The following CSMD1 variants were observed in gnomAD, a reference collection of about 807,000 sequenced individuals.
CSMD1 encodes CUB and sushi domain-containing protein 1.
A neutral mutation model predicts 417.5 loss-of-function variants in CSMD1; 213 were observed. The ratio of observed to expected loss-of-function variants is 0.51; its 90% CI spans 0.46 to 0.57. CSMD1 has a LOEUF of 0.57. Ranked by LOEUF, CSMD1 falls within the 20% of genes least tolerant of loss-of-function variation. The pLI, the probability that CSMD1 is intolerant of heterozygous loss-of-function variation, is 0.00. For missense variants in CSMD1, 6,923 were observed against 4,529.7 expected (o/e 1.53, Z -15.17); for synonymous variants, 2,862 against 1,736.8 (o/e 1.65, Z -16.11).
At chr8:4,847,062 A>G (rs1801186007) in intron 1 of CSMD1, among the ~76,000 whole-genome samples, 1 of 152,168 alleles carries the variant, frequency 6.6e-6, no homozygotes, top group Non-Finnish European at 1.5e-5. Context: ...TAATTGGCGA[A>G]CTTTGTCAAA....
chr8:4,993,756 G>A (rs1294775879), intron 1 of CSMD1, among the ~76,000 whole-genome samples: 4 of 152,212 alleles, frequency 2.6e-5, no homozygotes, highest in Non-Finnish European at 5.9e-5. Context: ...TCTAGAGGCA[G>A]CTACTCCTCG....
At chr8:4,788,846 GA>G (rs1165724348) in intron 1 of CSMD1, among the ~76,000 whole-genome samples, 1 of 152,156 alleles carries the variant, frequency 6.6e-6, no homozygotes, top group Non-Finnish European at 1.5e-5. Context: ...TTATGACACA[GA>G]AACTCTCCCT....
Position 3,912,260 on chromosome 8 carries a change from A to G in CSMD1, c.818+85643T>C, listed in dbSNP as rs188625428. Among the ~76,000 whole-genome samples the G allele has an allele frequency of 1.2e-3, 178 of 152,308 alleles. No individual in the cohort carries two copies. The Middle Eastern group carries it at 0.017, about 15-fold the overall frequency. On this transcript the variant is annotated intron_variant, in intron 5 of 69. Transcript: ENST00000635120. The stretch of plus-strand genomic sequence containing the variant: ...CATGAACTTACTGGGAAATATCACT[A>G]ATTATTCAAAAAACAATATACGGAG...
intron 7 of CSMD1, among the ~76,000 whole-genome samples, chr8:3,651,863 G>T (rs560906324): frequency 1.5e-5 from 2 of 132,916 alleles, no homozygotes; most frequent in Non-Finnish European, 3.2e-5. Context: ...TTACCACCAT[G>T]AGCACACTTA....
chr8:3,249,485 A>G (rs1305162368), intron 26 of CSMD1, among the ~76,000 whole-genome samples: 1 of 152,162 alleles, frequency 6.6e-6, no homozygotes, highest in East Asian at 1.9e-4. Flanking sequence ...TGGCCTCCCA[A>G]AATGCTGGGA....
At chr8:4,662,714 A>G (rs1416007787) in intron 1 of CSMD1, among the ~76,000 whole-genome samples, 2 of 152,150 alleles carry the variant, frequency 1.3e-5, no homozygotes, top group African/African-American at 4.8e-5. Context: ...TTCAGATGTT[A>G]CGCAATTATT....
chr8:3,538,898 C>T (rs1798318844), intron 10 of CSMD1, among the ~76,000 whole-genome samples: 1 of 152,192 alleles, frequency 6.6e-6, no homozygotes, highest in South Asian at 2.1e-4. Context: ...CTTGCTTCAC[C>T]TACACACCAT....
At chr8:4,406,620 G>A (rs2128931863) in intron 3 of CSMD1, among the ~76,000 whole-genome samples, 1 of 152,246 alleles carries the variant, frequency 6.6e-6, no homozygotes, top group South Asian at 2.1e-4. Context: ...AGTGACCGGA[G>A]GCTGGGACTG....
intron 23 of CSMD1, among the ~76,000 whole-genome samples, chr8:3,322,416 G>C (rs1439672328): frequency 6.6e-6 from 1 of 152,108 alleles, no homozygotes; most frequent in East Asian, 1.9e-4. Context: ...CTTGTACTAA[G>C]AGCACAGATA....
intron 1 of CSMD1, among the ~76,000 whole-genome samples, chr8:4,989,184 G>C (rs1429084882): frequency 1.3e-5 from 2 of 152,110 alleles, no homozygotes; most frequent in Non-Finnish European, 2.9e-5. Flanking sequence ...AAAAGGTTGA[G>C]TTCCTTGAGG....
chr8:3,377,537 C>A (rs1428753796), intron 18 of CSMD1, among the ~76,000 whole-genome samples: 1 of 152,190 alleles, frequency 6.6e-6, no homozygotes, highest in Non-Finnish European at 1.5e-5. Context: ...AATTCCTGTA[C>A]TGCAAAACCT....
At chr8:3,916,530 G>C (rs751255352) in intron 5 of CSMD1, among the ~76,000 whole-genome samples, 3 of 152,116 alleles carry the variant, frequency 2.0e-5, no homozygotes, top group Non-Finnish European at 4.4e-5. Context: ...GATACGCCTA[G>C]GTTGAAACAT....
intron 6 of CSMD1, among the ~76,000 whole-genome samples, chr8:3,750,073 CTGTT>C: frequency 6.6e-6 from 1 of 152,040 alleles, no homozygotes; most frequent in East Asian, 1.9e-4. Context: ...GAATTTCAAG[CTGTT>C]TGTTTTAGTT....
At chr8:4,825,943 C>G (rs1440699913) in intron 1 of CSMD1, among the ~76,000 whole-genome samples, 1 of 136,692 alleles carries the variant, frequency 7.3e-6, no homozygotes. Flanking sequence ...GCAGCTATCA[C>G]CTTACATCTT....
intron 1 of CSMD1, among the ~76,000 whole-genome samples, chr8:4,846,697 T>G (rs572638199): frequency 6.6e-6 from 1 of 152,370 alleles, no homozygotes; most frequent in East Asian, 1.9e-4. Flanking sequence ...TTTCTTGAAC[T>G]TGGTCCCATT....
At chr8:4,936,855 A>G (rs1330550887) in intron 1 of CSMD1, among the ~76,000 whole-genome samples, 2 of 152,092 alleles carry the variant, frequency 1.3e-5, no homozygotes, top group East Asian at 1.9e-4. Context: ...ATAAAACACT[A>G]TTATTTTGAC....
chr8:4,941,135 G>T (rs533025679), intron 1 of CSMD1, among the ~76,000 whole-genome samples: 3 of 151,850 alleles, frequency 2.0e-5, no homozygotes, highest in Non-Finnish European at 4.4e-5. Flanking sequence ...TTGACTAATT[G>T]GTTTTACAAT....
At chr8:4,182,887 T>C (rs1205649221) in intron 3 of CSMD1, among the ~76,000 whole-genome samples, 1 of 152,116 alleles carries the variant, frequency 6.6e-6, no homozygotes, top group Admixed American at 6.6e-5. Context: ...TAGAACTGTA[T>C]GTTTGAATGG....
chr8:3,119,385 A>AAC (rs1817057937), intron 41 of CSMD1, among the ~76,000 whole-genome samples: 1 of 1,198 alleles, frequency 8.3e-4, no homozygotes, highest in Non-Finnish European at 1.8e-3. Flanking sequence ...GTCTTTTTCT[A>AAC]AAAAAAAAAA....
Sources: gnomAD v4.1 joint callset for allele counts (sites outside exome capture counted in the v4.1 genomes callset) on GRCh38, gnomAD v4.1.1 for gene constraint, MANE v1.5 for transcripts, NCBI Gene and HGNC (gene_info 2026-07-23, HGNC 2026-07-21) for gene names.